B3GNT3: variants seen among roughly 807,000 people sequenced by gnomAD.
B3GNT3 encodes the protein UDP-GlcNAc:betaGal beta-1,3-N-acetylglucosaminyltransferase 3.
B3GNT3 carries 7 observed loss-of-function variants against 11.6 expected under a neutral mutation model. The ratio of observed to expected loss-of-function variants is 0.60; its 90% confidence interval spans 0.34 to 1.13. The LOEUF is 1.13. Ranked by LOEUF, B3GNT3 falls within the 50% of genes most tolerant of loss-of-function variation. The probability of loss-of-function intolerance (pLI) is 0.03; values close to 1 mark genes in which losing one functional copy is unlikely to be tolerated. For synonymous variants in B3GNT3, 201 were observed against 222.1 expected (o/e 0.90, Z 0.85); for missense variants, 400 against 507.4 (o/e 0.79, Z 2.03).
rs1397085805 is a variant in B3GNT3 at position 17,808,052 on chromosome 19, A to G, written c.245A>G (p.Asn82Ser). 8 of 1,613,252 alleles carry G rather than the reference A, an allele frequency of 5.0e-6. No homozygotes were observed. In the South Asian group the frequency reaches 8.8e-5, roughly 18 times the overall value. Residue 82 changes from asparagine to serine, a missense_variant, in exon 2 of 3, where the codon AAC becomes AGC. Transcript: ENST00000318683. The stretch of plus-strand genomic sequence containing the variant: ...GCCACGCAGCCGCAGCACGTTCAGA[A>G]CTTCCTCCTGTACAGACACTGCCGC... The part of the protein sequence containing the change: ...DFATQPQHVQ[N>S]FLLYRHCRHF...
chr19:17,801,642 C>T (rs2094166344), intron 1 of B3GNT3, among the ~76,000 whole-genome samples: 1 of 151,810 alleles, frequency 6.6e-6, no homozygotes, highest in South Asian at 2.1e-4. Flanking sequence ...CGCCACCACA[C>T]CTGGCTAATT....
At chr19:17,800,526 G>A (rs1185721288) in intron 1 of B3GNT3, among the ~76,000 whole-genome samples, 1 of 152,172 alleles carries the variant, frequency 6.6e-6, no homozygotes, top group East Asian at 1.9e-4. Context: ...CGATTCTGCT[G>A]AGCAGACAAC....
At position 17,812,277 on chromosome 19, in the gene B3GNT3, T is replaced by C. The variant is rs373010636; in HGVS notation, c.*155T>C. On this transcript the variant is annotated 3_prime_UTR_variant, in exon 3 of 3. Coordinates refer to ENST00000318683, the MANE Select transcript of B3GNT3 (RefSeq NM_014256.4). Reference sequence around the variant, plus strand: ...GTGAATATTCTGGCTGGCGAACTCCTACACATCCTTCAAAACCCACCTGGT... The same window carrying C: ...GTGAATATTCTGGCTGGCGAACTCCCACACATCCTTCAAAACCCACCTGGT... 3.7e-6 allele frequency: 3 copies of C among 808,288 alleles called. No homozygotes were observed. The highest frequency in any genetic ancestry group is 3.0e-5 in the Admixed American group (1 of 33,730). The allele number at this position is 808,288 out of a possible 1,614,324, so 50.1% of individuals were successfully genotyped here. A position where few individuals can be genotyped will look rare whatever the true frequency, so the allele number is the denominator to read the frequency against.
At chr19:17,801,589 T>C (rs1425164128) in intron 1 of B3GNT3, among the ~76,000 whole-genome samples, 1 of 152,070 alleles carries the variant, frequency 6.6e-6, no homozygotes, top group Non-Finnish European at 1.5e-5. Flanking sequence ...GCTCAAGCGA[T>C]TCTCCTGCCT....
Position 17,807,960 on chromosome 19 carries a change from T to TCCTG in B3GNT3, c.155_156insTGCC (p.Pro53AlafsTer51). The TCCTG allele has an allele frequency of 1.9e-6, 3 of 1,609,548 alleles. No homozygotes were observed. The highest frequency in any genetic ancestry group is 2.5e-6 in the Non-Finnish European group (3 of 1,178,130). On this transcript the variant is annotated frameshift_variant, in exon 2 of 3. Coordinates refer to ENST00000318683, the MANE Select transcript of B3GNT3 (RefSeq NM_014256.4). LOFTEE classifies it high-confidence loss of function. Reference sequence around the variant, plus strand: ...TCCCCGAGGCCCTGGCCTGGCCCACTCCACCCACCCGCCCAGCCCCGGCCC... The same window carrying TCCTG: ...TCCCCGAGGCCCTGGCCTGGCCCACTCCTGCCACCCACCCGCCCAGCCCCGGCCC...
chr19:17,804,249 T>TC (rs1040230643), intron 1 of B3GNT3, among the ~76,000 whole-genome samples: 1 of 147,816 alleles, frequency 6.8e-6, no homozygotes, highest in African/African-American at 2.5e-5. Context: ...TCTTTTTTTT[T>TC]TTTTTTTTGA....
chr19:17,808,124 C>T lies in B3GNT3; in HGVS notation c.317C>T (p.Pro106Leu). ...QDVPPSKCAQ[P>L]VFLLLVIKSS... ...GTGCCCCCCTCTAAGTGCGCGCAGCCGGTCTTCCTGCTGCTGGTGATCAAG... is the reference window on the plus strand; with the variant it reads ...GTGCCCCCCTCTAAGTGCGCGCAGCTGGTCTTCCTGCTGCTGGTGATCAAG... Residue 106 changes from proline to leucine, a missense_variant, in exon 2 of 3, where the codon CCG becomes CTG. Pro to Leu is a moderately conservative substitution (Grantham distance 98, BLOSUM62 -3). Coordinates refer to ENST00000318683, the MANE Select transcript of B3GNT3 (RefSeq NM_014256.4). The T allele has an allele frequency of 2.5e-6, 4 of 1,613,778 alleles. No individual in the cohort carries two copies. Among genetic ancestry groups the T allele is most frequent in the African/African-American group, 1.3e-5 (1 of 75,028 alleles).
chr19:17,796,895 T>C (rs1320187518), intron 1 of B3GNT3, among the ~76,000 whole-genome samples: 1 of 152,096 alleles, frequency 6.6e-6, no homozygotes, highest in Non-Finnish European at 1.5e-5. Flanking sequence ...AGGAATTTGC[T>C]CACTCCCCCA....
intron 1 of B3GNT3, among the ~76,000 whole-genome samples, chr19:17,806,147 CTT>C (rs1251648713): frequency 1.7e-4 from 24 of 141,242 alleles, no homozygotes; most frequent in Admixed American, 2.8e-4. Context: ...TTTGTATTTT[CTT>C]TTTTTTTTTT....
In B3GNT3 at chr19:17,808,029, C is replaced by T. The variant is rs985605009; in HGVS notation, c.222C>T (p.Ala74=). The T allele has an allele frequency of 1.9e-6, 3 of 1,613,222 alleles. No individual in the cohort carries two copies. The highest frequency in any genetic ancestry group is 1.3e-5 in the African/African-American group (1 of 74,858). ...CTATGGTCACCCACCCGGACTTCGC[C>T]ACGCAGCCGCAGCACGTTCAGAACT... ...NTSMVTHPDF[A]TQPQHVQNFL... Residue 74 remains alanine (A), a synonymous_variant, in exon 2 of 3, where the codon GCC becomes GCT. Transcript: ENST00000318683.
rs45462394 is a variant in B3GNT3, at chr19:17,811,975, T to G, written c.972T>G (p.Ala324=). The change falls in exon 3 of 3, where the codon GCT becomes GCG. Residue 324 remains alanine (A), a synonymous_variant. Transcript: ENST00000318683. This position sits in a 1 kb window ranked among gnomAD's most constrained non-coding sequence, Gnocchi z 4.1. ...GCATCCGCACGTCTGGCGTGCGGGC[T>G]CCATCGCAACGCCTGTCCTCCTTTG... The part of the protein sequence containing the change: ...HSGIRTSGVR[A]PSQRLSSFDP... The G allele has an allele frequency of 1.7e-3, 2,771 of 1,606,982 alleles. 1 individual carries two copies. The highest frequency in any genetic ancestry group is 2.2e-3 in the Non-Finnish European group (2,616 of 1,179,996).
In B3GNT3 at chr19:17,811,599, G is replaced by A. The variant is rs1324966164; in HGVS notation, c.596G>A (p.Arg199Lys). The A allele has an allele frequency of 6.2e-7, 1 of 1,613,196 alleles. No homozygotes were observed. Among genetic ancestry groups the A allele is most frequent in the Non-Finnish European group, 8.5e-7 (1 of 1,179,342 alleles). ...CTGTTCTTACAGTGGCAGGAGACAA[G>A]GTGCGCCAACGCCAGCTTCGTGCTC... is the stretch of plus-strand genomic sequence containing the variant. ...QVLFLQWQETRCANASFVLNG... is the reference protein window; with the variant it reads ...QVLFLQWQETKCANASFVLNG... Residue 199 changes from arginine (R) to lysine (K), a missense_variant, in exon 3 of 3, where the codon AGG becomes AAG. Coordinates refer to ENST00000318683, the MANE Select transcript of B3GNT3 (RefSeq NM_014256.4). This position sits in a 1 kb window ranked among gnomAD's most constrained non-coding sequence, Gnocchi z 4.1.
rs149542903 is a variant in B3GNT3, at chr19:17,800,974, T to A, written c.-51+5768T>A. Among the ~76,000 whole-genome samples the A allele has an allele frequency of 2.7e-3, 410 of 151,624 alleles. 3 individuals carry two copies. The Middle Eastern group carries it at 0.027, about 10-fold the overall frequency. ...TGGGCGACAGAGGCTCTATCTAAAATATATATATGTATATATATATATTCC... is the reference window on the plus strand; with the variant it reads ...TGGGCGACAGAGGCTCTATCTAAAAAATATATATGTATATATATATATTCC... On this transcript the variant is annotated intron_variant, in intron 1 of 2. Coordinates refer to ENST00000318683, the MANE Select transcript of B3GNT3 (RefSeq NM_014256.4).
At position 17,812,194 on chromosome 19, in the gene B3GNT3, C is replaced by T; in HGVS notation, c.*72C>T. 1 of 1,466,020 alleles carries T rather than the reference C, an allele frequency of 6.8e-7. No homozygotes were observed. Among genetic ancestry groups the T allele is most frequent in the Non-Finnish European group, 9.0e-7 (1 of 1,107,668 alleles). The allele number at this position is 1,466,020 out of a possible 1,614,324, so 90.8% of individuals were successfully genotyped here. A position where few individuals can be genotyped will look rare whatever the true frequency, so the allele number is the denominator to read the frequency against. ...GGGGCGACACCTTCCTCCCAGGAAGCTGAGACCTTTGTGGTCTGAGCATAA... is the reference window on the plus strand; with the variant it reads ...GGGGCGACACCTTCCTCCCAGGAAGTTGAGACCTTTGTGGTCTGAGCATAA... On this transcript the variant is annotated 3_prime_UTR_variant, in exon 3 of 3. Transcript: ENST00000318683.
chr19:17,799,233 G>A (rs1418954153), intron 1 of B3GNT3, among the ~76,000 whole-genome samples: 2 of 150,438 alleles, frequency 1.3e-5, no homozygotes, highest in African/African-American at 2.5e-5. Context: ...CCACAGCAAT[G>A]CTGATAGTCA....
intron 1 of B3GNT3, among the ~76,000 whole-genome samples, chr19:17,806,505 C>G (rs752096990): frequency 1.3e-5 from 2 of 152,058 alleles, no homozygotes; most frequent in African/African-American, 4.8e-5. Context: ...CCCAGGTGGC[C>G]GAGAGTTGGC....
At chr19:17,796,981 A>G (rs2094160205) in intron 1 of B3GNT3, among the ~76,000 whole-genome samples, 1 of 152,152 alleles carries the variant, frequency 6.6e-6, no homozygotes, top group African/African-American at 2.4e-5. Flanking sequence ...ATTGCTCCTC[A>G]TGATGGTGAG....
At chr19:17,796,083 T>C (rs2094159209) in intron 1 of B3GNT3, among the ~76,000 whole-genome samples, 1 of 151,976 alleles carries the variant, frequency 6.6e-6, no homozygotes, top group African/African-American at 2.4e-5. Flanking sequence ...TTTAAACTTT[T>C]TGTTTGTTTG....
intron 1 of B3GNT3, among the ~76,000 whole-genome samples, chr19:17,799,957 A>G (rs2094164110): frequency 6.6e-6 from 1 of 151,772 alleles, no homozygotes; most frequent in African/African-American, 2.4e-5. Context: ...CCCCTGTGCC[A>G]CTCCCCATCA....
Sources: gnomAD v4.1 joint callset for allele counts (sites outside exome capture counted in the v4.1 genomes callset) on GRCh38, gnomAD v4.1.1 for gene constraint, Gnocchi (gnomAD v3.1) non-coding constraint, MANE v1.5 for transcripts, NCBI Gene and HGNC (gene_info 2026-07-23, HGNC 2026-07-21) for gene names.